CACNG7: variants seen among roughly 807,000 people sequenced by gnomAD.
The protein encoded by CACNG7 is voltage-dependent calcium channel gamma-7 subunit.
CACNG7 carries 9 observed loss-of-function variants against 26.3 expected under a neutral mutation model. The observed-to-expected ratio is 0.34, with a 90% CI of 0.21 to 0.60. CACNG7 has a LOEUF of 0.60. CACNG7 is among the 20% of genes least tolerant of loss of function. The pLI, the probability that CACNG7 is intolerant of heterozygous loss-of-function variation, is 0.81. For missense variants in CACNG7, 297 were observed against 380.4 expected (o/e 0.78, Z 1.82); for synonymous variants, 170 against 157.0 (o/e 1.08, Z -0.62).
In CACNG7 at chr19:53,943,630, G is replaced by T. The variant is rs1465022257; in HGVS notation, c.*1337G>T. 1 of 143,704 alleles carries T rather than the reference G, an allele frequency of 7.0e-6. No homozygotes were observed. The highest frequency in any genetic ancestry group is 1.5e-5 in the Non-Finnish European group (1 of 65,468). The allele number at this position is 143,704 out of a possible 1,614,324, so 8.9% of individuals were successfully genotyped here. ...GGAGGGGGGCACTGGGGTGGGGACA[G>T]GGTGGGGTGGGGGGCCTGGCTCTGT... On this transcript the variant is annotated 3_prime_UTR_variant, in exon 6 of 6. Transcript: ENST00000391767.
intron 4 of CACNG7, among the ~76,000 whole-genome samples, chr19:53,924,604 G>C (rs1186646031): frequency 1.4e-5 from 2 of 138,350 alleles, no homozygotes; most frequent in Non-Finnish European, 3.1e-5. Context: ...TGGTGGAGTT[G>C]CCCAGGCTGG....
chr19:53,941,922 G>A, intron 5 of CACNG7, 114 bp from the exon 6 acceptor site: 1 of 1,339,398 alleles, frequency 7.5e-7, no homozygotes, highest in Non-Finnish European at 1.0e-6. Flanking sequence ...CTGGGTCCTG[G>A]GATAGGAAGG....
intron 4 of CACNG7, among the ~76,000 whole-genome samples, chr19:53,918,001 G>A (rs1405532919): frequency 6.6e-6 from 1 of 152,160 alleles, no homozygotes; most frequent in Admixed American, 6.6e-5. Flanking sequence ...AGAGTAATTC[G>A]GAAGAGATTG....
In CACNG7 at chr19:53,912,668, C is replaced by T; in HGVS notation, c.-29-135C>T. 1 of 667,278 alleles carries T rather than the reference C, an allele frequency of 1.5e-6. No individual in the cohort carries two copies. The highest frequency in any genetic ancestry group is 2.6e-6 in the Non-Finnish European group (1 of 389,094). The allele number at this position is 667,278 out of a possible 1,614,324, so 41.3% of individuals were successfully genotyped here. A position where few individuals can be genotyped will look rare whatever the true frequency, so the allele number is the denominator to read the frequency against. ...TCTAGGGTTGGGGTCATGGGTCAGG[C>T]CACGGAGGTCAGATCTGAGATTTCG... On this transcript the variant is annotated intron_variant, in intron 1 of 5. Transcript: ENST00000391767. The surrounding 1 kb of genome is among the most constrained non-coding windows in gnomAD (Gnocchi z 4.6).
At position 53,912,783 on chromosome 19, in the gene CACNG7, C is replaced by T. The variant is rs1218357284; in HGVS notation, c.-29-20C>T. 1 of 1,596,716 alleles carries T rather than the reference C, an allele frequency of 6.3e-7. No homozygotes were observed. The highest frequency in any genetic ancestry group is 8.5e-7 in the Non-Finnish European group (1 of 1,172,316). On this transcript the variant is annotated intron_variant, in intron 1 of 5. Transcript: ENST00000391767. The surrounding 1 kb of genome is among the most constrained non-coding windows in gnomAD (Gnocchi z 4.6). ...CTGGTCGGTCCCATGGAGCTCTGCA[C>T]TGTAGCTTCCCTTCCACAGGCCCCG...
intron 4 of CACNG7, among the ~76,000 whole-genome samples, chr19:53,923,572 G>T (rs1202606079): frequency 1.0e-4 from 13 of 128,296 alleles, no homozygotes; most frequent in African/African-American, 3.2e-4. Flanking sequence ...CATTGGTGGA[G>T]TTGTCCCAGG....
Position 53,924,118 on chromosome 19 carries a change from G to GT in CACNG7, c.424+8613_424+8614insT, listed in dbSNP as rs754357110. 2.9e-5 allele frequency among the ~76,000 whole-genome samples: 4 copies of GT among 140,132 alleles called. No individual in the cohort carries two copies. The East Asian group carries it at 6.4e-4, about 23-fold the overall frequency. The allele number at this position is 140,132 out of a possible 152,430, so 91.9% of individuals were successfully genotyped here. A position where few individuals can be genotyped will look rare whatever the true frequency, so the allele number is the denominator to read the frequency against. ...CCCAGGTCTGGGTATTGGTGGACTT[G>GT]CCCCAGGTCTGGTTATTGGTGGACT... is the stretch of plus-strand genomic sequence containing the variant. On this transcript the variant is annotated intron_variant, in intron 4 of 5. Transcript: ENST00000391767.
intron 4 of CACNG7, among the ~76,000 whole-genome samples, chr19:53,923,695 TC>T (rs2068989513): frequency 7.3e-6 from 1 of 137,564 alleles, no homozygotes; most frequent in African/African-American, 2.9e-5. Flanking sequence ...CCAGGCCTGG[TC>T]ATTGGTGGAG....
chr19:53,920,329 G>A (rs1330089844), intron 4 of CACNG7, among the ~76,000 whole-genome samples: 4 of 113,586 alleles, frequency 3.5e-5, no homozygotes, highest in African/African-American at 1.7e-4. Flanking sequence ...AGTTGCCCCA[G>A]GTCTGGTCAT....
chr19:53,941,362 A>C, intron 4 of CACNG7, 108 bp from the exon 5 acceptor site: 1 of 1,251,556 alleles, frequency 8.0e-7, no homozygotes, highest in Non-Finnish European at 1.1e-6. Flanking sequence ...GCTTCAGGGA[A>C]GTTAGTCCAG....
intron 1 of CACNG7, among the ~76,000 whole-genome samples, chr19:53,910,011 G>C (rs1365624819): frequency 6.6e-6 from 1 of 152,130 alleles, no homozygotes; most frequent in Non-Finnish European, 1.5e-5. Context: ...CTTCAGGCCT[G>C]GGGGGAGGGT....
chr19:53,941,245 A>G (rs2069135615), intron 4 of CACNG7, among the ~76,000 whole-genome samples: 1 of 151,888 alleles, frequency 6.6e-6, no homozygotes. Flanking sequence ...TCCTTCTCCA[A>G]TTGTATTGTG....
chr19:53,928,023 G>A (rs2069044908), intron 4 of CACNG7, among the ~76,000 whole-genome samples: 1 of 151,214 alleles, frequency 6.6e-6, no homozygotes, highest in African/African-American at 2.4e-5. Context: ...TGAGGGGGTG[G>A]GAGGAGAGTA....
intron 2 of CACNG7, among the ~76,000 whole-genome samples, chr19:53,913,343 C>T (rs1002273124): frequency 6.6e-6 from 1 of 151,740 alleles, no homozygotes; most frequent in African/African-American, 2.4e-5. Flanking sequence ...ATGCATGGGA[C>T]GGGCGCGGTG....
intron 4 of CACNG7, among the ~76,000 whole-genome samples, chr19:53,916,982 G>A (rs2068903050): frequency 6.6e-6 from 1 of 152,028 alleles, no homozygotes; most frequent in Admixed American, 6.6e-5. Context: ...ATTTTTAGTA[G>A]AGATGGGGTT....
rs577930219 is a variant in CACNG7 at position 53,925,987 on chromosome 19, A to G, written c.424+10482A>G. ...AGAGGCATGTGCATGCCTGTCCCACATTAGCCCCTGATCATTAAACATGAT... is the reference window on the plus strand; with the variant it reads ...AGAGGCATGTGCATGCCTGTCCCACGTTAGCCCCTGATCATTAAACATGAT... On this transcript the variant is annotated intron_variant, in intron 4 of 5. Transcript: ENST00000391767. Among the ~76,000 whole-genome samples, 30 of 152,306 alleles carry G rather than the reference A, an allele frequency of 2.0e-4. 1 individual carries two copies. In the South Asian group the frequency reaches 5.6e-3, roughly 28 times the overall value.
In CACNG7 at chr19:53,931,349, G is replaced by A. The variant is rs543177759; in HGVS notation, c.425-10121G>A. ...AATGTCTTTTATAACTCTTTCCCTA[G>A]AACCAGGATTCATTCTAGGTCCATG... On this transcript the variant is annotated intron_variant, in intron 4 of 5. Transcript: ENST00000391767. Among the ~76,000 whole-genome samples the A allele has an allele frequency of 4.5e-4, 68 of 152,054 alleles. 3 individuals are homozygous for A. The South Asian group carries it at 0.014, about 31-fold the overall frequency.
intron 4 of CACNG7, among the ~76,000 whole-genome samples, chr19:53,919,399 C>A (rs1231532426): frequency 6.6e-6 from 1 of 151,540 alleles, no homozygotes; most frequent in African/African-American, 2.4e-5. Flanking sequence ...TGGAGTTGTC[C>A]CCAGGCCTGG....
chr19:53,931,324 A>G (rs968044957), intron 4 of CACNG7, among the ~76,000 whole-genome samples: 4 of 151,982 alleles, frequency 2.6e-5, no homozygotes, highest in Non-Finnish European at 5.9e-5. Flanking sequence ...CTATTTCAAG[A>G]ATGTCTTTTA....
Sources: gnomAD v4.1 joint callset for allele counts (sites outside exome capture counted in the v4.1 genomes callset) on GRCh38, gnomAD v4.1.1 for gene constraint, Gnocchi (gnomAD v3.1) non-coding constraint, MANE v1.5 for transcripts, NCBI Gene and HGNC (gene_info 2026-07-23, HGNC 2026-07-21) for gene names.